Variants in VWC2 observed in about 807,000 individuals in gnomAD.
VWC2 encodes the protein brorin.
Under a neutral mutation model 29.8 loss-of-function variants are expected in VWC2, and 14 were observed. The observed-to-expected ratio is 0.47, with a 90% confidence interval of 0.31 to 0.74. The LOEUF (loss-of-function observed/expected upper bound fraction) is 0.74, where lower values mean the gene tolerates loss of function less well. VWC2 is among the 30% of genes least tolerant of loss of function. VWC2 has a pLI of 0.05. For synonymous variants in VWC2, 213 were observed against 199.0 expected (o/e 1.07, Z -0.59); for missense variants, 457 against 459.8 (o/e 0.99, Z 0.05).
chr7:49,818,606 T>C (rs1330402155), intron 3 of VWC2, among the ~76,000 whole-genome samples: 2 of 148,680 alleles, frequency 1.3e-5, no homozygotes, highest in Non-Finnish European at 3.0e-5. Context: ...CGAGAGAGAG[T>C]AGACCCTGAA....
At chr7:49,844,425 A>G (rs1789871140) in intron 3 of VWC2, among the ~76,000 whole-genome samples, 1 of 152,232 alleles carries the variant, frequency 6.6e-6, no homozygotes, top group Admixed American at 6.5e-5. Flanking sequence ...TTAGATAACT[A>G]TAGATATGAA....
intron 3 of VWC2, among the ~76,000 whole-genome samples, chr7:49,874,284 C>T (rs189371098): frequency 2.1e-4 from 32 of 152,358 alleles, no homozygotes; most frequent in African/African-American, 7.7e-4. Flanking sequence ...TGCATTTTTA[C>T]TCTACCTTTT....
chr7:49,875,868 C>T (rs549076171), intron 3 of VWC2, among the ~76,000 whole-genome samples: 2 of 152,238 alleles, frequency 1.3e-5, no homozygotes, highest in African/African-American at 4.8e-5. Flanking sequence ...GAGAATCCTG[C>T]TTGGTTTCTC....
In VWC2 at chr7:49,832,869, G is replaced by C. The variant is rs372348709; in HGVS notation, c.826+30029G>C. Reference sequence around the variant, plus strand: ...TTGGTCATTTGCCAAGTACCTCCAGGCACTTCACTAGGCTCTAAGGTTAAA... The same window carrying C: ...TTGGTCATTTGCCAAGTACCTCCAGCCACTTCACTAGGCTCTAAGGTTAAA... On this transcript the variant is annotated intron_variant, in intron 3 of 3. Transcript: ENST00000340652. Among the ~76,000 whole-genome samples, 3 of 152,182 alleles carry C rather than the reference G, an allele frequency of 2.0e-5. No homozygotes were observed. The South Asian group carries it at 6.2e-4, about 32-fold the overall frequency.
intron 3 of VWC2, among the ~76,000 whole-genome samples, chr7:49,804,140 G>T (rs191801654): frequency 6.6e-6 from 1 of 151,868 alleles, no homozygotes; most frequent in Admixed American, 6.5e-5. Flanking sequence ...CAAGAACGAG[G>T]GGGACTTTGA....
intron 3 of VWC2, among the ~76,000 whole-genome samples, chr7:49,877,491 T>TATATATATATAG (rs1791482404): frequency 2.8e-5 from 1 of 35,656 alleles, no homozygotes; most frequent in Non-Finnish European, 5.2e-5. Context: ...AATATATATA[T>TATATATATATAG]ATATATATAT....
At position 49,917,514 on chromosome 7, in the gene VWC2, C is replaced by T. The variant is rs1166248510; in HGVS notation, c.*5329C>T. The T allele has an allele frequency of 1.3e-5, 2 of 152,134 alleles. No individual in the cohort carries two copies. Among genetic ancestry groups the T allele is most frequent in the African/African-American group, 4.8e-5 (2 of 41,432 alleles). The allele number at this position is 152,134 out of a possible 1,614,324, so 9.4% of individuals were successfully genotyped here. A position where few individuals can be genotyped will look rare whatever the true frequency, so the allele number is the denominator to read the frequency against. The stretch of plus-strand genomic sequence containing the variant: ...TTAAAGTTCAGAAAAGTACATAAAA[C>T]CTCTGGCTGACCTATTATATAGGCA... On this transcript the variant is annotated 3_prime_UTR_variant, in exon 4 of 4. Coordinates refer to ENST00000340652, the MANE Select transcript of VWC2 (RefSeq NM_198570.5).
chr7:49,774,108 G>T lies in VWC2; in HGVS notation c.-109G>T, dbSNP rs1019890933. 1 of 152,222 alleles carries T rather than the reference G, an allele frequency of 6.6e-6. No homozygotes were observed. Among genetic ancestry groups the T allele is most frequent in the Non-Finnish European group, 1.5e-5 (1 of 68,122 alleles). 9.4% of individuals were successfully genotyped at this position (152,222 alleles called of 1,614,324 possible). ...GCCCGGCGTCCGGCCCGCGCCCTGC[G>T]CTCATGTATGTAGGTTTGGCGCCGG... On this transcript the variant is annotated 5_prime_UTR_variant, in exon 1 of 4. Transcript: ENST00000340652.
intron 2 of VWC2, among the ~76,000 whole-genome samples, chr7:49,786,919 T>C (rs540106853): frequency 1.5e-4 from 23 of 152,376 alleles, no homozygotes; most frequent in African/African-American, 5.5e-4. Context: ...TCTCCCATTC[T>C]GTAGACTGTC....
intron 3 of VWC2, among the ~76,000 whole-genome samples, chr7:49,900,138 T>G (rs1417579882): frequency 6.6e-6 from 1 of 151,678 alleles, no homozygotes; most frequent in African/African-American, 2.4e-5. Context: ...TTAGTTTATT[T>G]TAAACTAAAT....
At chr7:49,800,845 T>C (rs893505684) in intron 2 of VWC2, among the ~76,000 whole-genome samples, 3 of 84,394 alleles carry the variant, frequency 3.6e-5, no homozygotes, top group Non-Finnish European at 6.6e-5. Context: ...CTGGTTATGG[T>C]AGCAAAAAAA....
In VWC2 at chr7:49,891,588, C is replaced by T. The variant is rs1583766661; in HGVS notation, c.827-20446C>T. Among the ~76,000 whole-genome samples the T allele has an allele frequency of 3.9e-5, 6 of 152,214 alleles. No homozygotes were observed. The South Asian group carries it at 1.2e-3, about 32-fold the overall frequency. ...CCACCATTCGATACTATTGCACATC[C>T]GCCAGGGTCGATAAAATATAACAAT... is the stretch of plus-strand genomic sequence containing the variant. On this transcript the variant is annotated intron_variant, in intron 3 of 3. Transcript: ENST00000340652.
At chr7:49,829,061 TCCCCTGAGGG>T in intron 3 of VWC2, among the ~76,000 whole-genome samples, 1 of 152,320 alleles carries the variant, frequency 6.6e-6, no homozygotes, top group African/African-American at 2.4e-5. Context: ...TTCCCAGTGG[TCCCCTGAGGG>T]TGGTGTCCCT....
At chr7:49,822,536 C>T (rs1789285846) in intron 3 of VWC2, among the ~76,000 whole-genome samples, 1 of 152,052 alleles carries the variant, frequency 6.6e-6, no homozygotes, top group South Asian at 2.1e-4. Context: ...AGGATTCAAG[C>T]GATTTGATTC....
At chr7:49,781,337 T>A (rs962590977) in intron 2 of VWC2, among the ~76,000 whole-genome samples, 2 of 152,220 alleles carry the variant, frequency 1.3e-5, no homozygotes, top group African/African-American at 4.8e-5. Context: ...CTTTAAAAAC[T>A]GCTTATTTGC....
Position 49,775,942 on chromosome 7 carries a change from C to G in VWC2, c.507C>G (p.Phe169Leu). The change falls in exon 2 of 4, where the codon TTC (phenylalanine) becomes TTG (leucine). Residue 169 changes from phenylalanine to leucine, a missense_variant. Phe to Leu is a conservative substitution (Grantham distance 22). This residue lies in a region of VWC2 where 185 missense variants were observed against 257.1 expected (regional missense o/e 0.72). Coordinates refer to ENST00000340652, the MANE Select transcript of VWC2 (RefSeq NM_198570.5). ...SGFVYAIGEKFAPGPSACPCL... is the reference protein window; with the variant it reads ...SGFVYAIGEKLAPGPSACPCL... Reference sequence around the variant, plus strand: ...TCGTGTACGCGATCGGGGAGAAGTTCGCGCCGGGCCCCTCGGCCTGCCCGT... The same window carrying G: ...TCGTGTACGCGATCGGGGAGAAGTTGGCGCCGGGCCCCTCGGCCTGCCCGT... The G allele has an allele frequency of 6.4e-7, 1 of 1,553,928 alleles. No individual in the cohort carries two copies. Among genetic ancestry groups the G allele is most frequent in the South Asian group, 1.2e-5 (1 of 84,734 alleles).
chr7:49,822,177 TTACAG>T (rs1447224338), intron 3 of VWC2, among the ~76,000 whole-genome samples: 1 of 152,166 alleles, frequency 6.6e-6, no homozygotes, highest in Non-Finnish European at 1.5e-5. Context: ...AAATCTTTCA[TTACAG>T]TATTCAACGA....
In VWC2 at chr7:49,916,653, T is replaced by C. The variant is rs1793742159; in HGVS notation, c.*4468T>C. 1 of 152,248 alleles carries C rather than the reference T, an allele frequency of 6.6e-6. No individual in the cohort carries two copies. Among genetic ancestry groups the C allele is most frequent in the African/African-American group, 2.4e-5 (1 of 41,472 alleles). The allele number at this position is 152,248 out of a possible 1,614,324, so 9.4% of individuals were successfully genotyped here. On this transcript the variant is annotated 3_prime_UTR_variant, in exon 4 of 4. Transcript: ENST00000340652. Reference sequence around the variant, plus strand: ...CAAAACATCACCCAATATCTATATGTTAAAGGCTTGTTGAATTGTATTCCA... The same window carrying C: ...CAAAACATCACCCAATATCTATATGCTAAAGGCTTGTTGAATTGTATTCCA...
At position 49,810,012 on chromosome 7, in the gene VWC2, CA is replaced by C. The variant is rs1168782122; in HGVS notation, c.826+7173del. 1.3e-5 allele frequency among the ~76,000 whole-genome samples: 2 copies of C among 151,582 alleles called. 1 individual carries two copies. The highest frequency in any genetic ancestry group is 2.9e-5 in the Non-Finnish European group (2 of 67,798). On this transcript the variant is annotated intron_variant, in intron 3 of 3. Coordinates refer to ENST00000340652, the MANE Select transcript of VWC2 (RefSeq NM_198570.5). ...ATCAATGTAGTGGAGGTCTTATATA[CA>C]GAGAGAAAGAGAAGGCAGGAGAAAA...
Sources: allele counts gnomAD v4.1 joint callset (sites outside exome capture counted in the v4.1 genomes callset), GRCh38; gene constraint gnomAD v4.1.1; regional missense constraint gnomAD v4.1.1; transcripts MANE v1.5; gene names NCBI Gene and HGNC (gene_info 2026-07-23, HGNC 2026-07-21).